Variants in COL24A1 observed in about 807,000 individuals in gnomAD.
The protein encoded by COL24A1 is collagen alpha-1(XXIV) chain.
A neutral mutation model predicts 253.9 loss-of-function variants in COL24A1; 224 were observed. That is an observed-to-expected ratio of 0.88 (90% CI 0.79 to 0.99). COL24A1 has a LOEUF of 0.99. Among genes scored for constraint, COL24A1 ranks in the 50% least tolerant of loss-of-function variants. COL24A1 has a pLI of 0.00. For synonymous variants in COL24A1, 685 were observed against 673.7 expected, an observed-to-expected ratio of 1.02 and a Z score of -0.26; for missense variants, 2,131 against 2,068.5, an observed-to-expected ratio of 1.03 and a Z score of -0.59.
chr1:85,853,592 T>A (rs897867023), intron 37 of COL24A1, among the ~76,000 whole-genome samples: 1 of 152,218 alleles, frequency 6.6e-6, no homozygotes, highest in African/African-American at 2.4e-5. Flanking sequence ...CCACTAGCAG[T>A]GTATAAGTGT....
intron 20 of COL24A1, among the ~76,000 whole-genome samples, chr1:85,978,884 G>C (rs1206339464): frequency 2.0e-5 from 3 of 152,090 alleles, no homozygotes; most frequent in African/African-American, 7.2e-5. Context: ...CTGCAGAATA[G>C]ACATTCTTTT....
At chr1:85,822,029 A>G (rs1673674526) in intron 45 of COL24A1, among the ~76,000 whole-genome samples, 1 of 152,220 alleles carries the variant, frequency 6.6e-6, no homozygotes, top group Non-Finnish European at 1.5e-5. Flanking sequence ...TAGGTTCCCA[A>G]TGTTTTCTAT....
intron 24 of COL24A1, among the ~76,000 whole-genome samples, chr1:85,953,066 A>G (rs1465287819): frequency 1.3e-5 from 2 of 152,272 alleles, no homozygotes; most frequent in African/African-American, 4.8e-5. Flanking sequence ...TAATACCAAC[A>G]AGCAATGTAT....
chr1:85,782,026 CAG>C (rs1570590734), intron 51 of COL24A1, among the ~76,000 whole-genome samples: 3 of 152,132 alleles, frequency 2.0e-5, no homozygotes, highest in African/African-American at 7.2e-5. Context: ...AAGAAATATT[CAG>C]AAAGGTCTTT....
intron 8 of COL24A1, among the ~76,000 whole-genome samples, chr1:86,062,996 A>C (rs887973781): frequency 1.3e-5 from 2 of 152,064 alleles, no homozygotes; most frequent in Non-Finnish European, 2.9e-5. Context: ...AACGGTATCC[A>C]TCACCTTAGT....
At chr1:85,886,804 A>T (rs1439533994) in intron 32 of COL24A1, among the ~76,000 whole-genome samples, 5 of 152,118 alleles carry the variant, frequency 3.3e-5, no homozygotes. Context: ...ATTAAGGTGG[A>T]TAATTCTTTA....
At chr1:85,764,922 T>G (rs969108427) in intron 53 of COL24A1, among the ~76,000 whole-genome samples, 5 of 152,160 alleles carry the variant, frequency 3.3e-5, no homozygotes, top group African/African-American at 1.2e-4. Flanking sequence ...TACCTCATGT[T>G]TTTTATCTGG....
intron 45 of COL24A1, among the ~76,000 whole-genome samples, chr1:85,821,800 A>C (rs1673650869): frequency 6.6e-6 from 1 of 152,218 alleles, no homozygotes; most frequent in Admixed American, 6.5e-5. Flanking sequence ...GACTAGTAAA[A>C]GTATTTGATA....
intron 32 of COL24A1, among the ~76,000 whole-genome samples, chr1:85,884,262 G>A (rs1411580105): frequency 2.0e-5 from 3 of 151,974 alleles, no homozygotes; most frequent in African/African-American, 7.3e-5. Context: ...TTGAAAGCCA[G>A]ACATGATGTA....
intron 3 of COL24A1, among the ~76,000 whole-genome samples, chr1:86,121,545 A>C (rs1647350453): frequency 6.6e-6 from 1 of 152,128 alleles, no homozygotes; most frequent in Non-Finnish European, 1.5e-5. Context: ...AAGATTTAAA[A>C]AATATGAAAG....
At chr1:86,156,219 G>A (rs894329670) in intron 1 of COL24A1, 122 bp downstream of exon 1, 5 of 807,534 alleles carry the variant, frequency 6.2e-6, no homozygotes, top group Admixed American at 2.6e-5. Context: ...GTACTCGGCC[G>A]CTCCTAAAGC....
In COL24A1 at chr1:86,033,879, A is replaced by C; in HGVS notation, c.1995T>G (p.Asp665Glu). 1 of 1,603,642 alleles carries C rather than the reference A, an allele frequency of 6.2e-7. No homozygotes were observed. The highest frequency in any genetic ancestry group is 8.5e-7 in the Non-Finnish European group (1 of 1,175,892). ...DFGDRGPAGLDGSPGLVGGTG... is the reference protein window; with the variant it reads ...DFGDRGPAGLEGSPGLVGGTG... ...AACATAATGTACTCACAGGACTGCC[A>C]TCAAGACCAGCAGGGCCTCTGTCTC... The change falls in exon 13 of 60, where the codon GAT becomes GAG. Residue 665 changes from aspartate (D) to glutamate (E), a missense_variant. By Grantham distance (45) the Asp-to-Glu change is conservative. Coordinates refer to ENST00000370571, the MANE Select transcript of COL24A1 (RefSeq NM_152890.7).
intron 53 of COL24A1, among the ~76,000 whole-genome samples, chr1:85,769,258 T>C (rs1667709159): frequency 6.6e-6 from 1 of 152,286 alleles, no homozygotes; most frequent in Non-Finnish European, 1.5e-5. Context: ...TGTTTGTGTC[T>C]TCAAGGCTAC....
intron 20 of COL24A1, among the ~76,000 whole-genome samples, chr1:85,977,293 G>A (rs1458867696): frequency 6.6e-6 from 1 of 152,086 alleles, no homozygotes; most frequent in Non-Finnish European, 1.5e-5. Flanking sequence ...AAGTAATTCT[G>A]GTAATATGAC....
intron 20 of COL24A1, among the ~76,000 whole-genome samples, chr1:85,976,908 C>G (rs1692740824): frequency 6.6e-6 from 1 of 152,208 alleles, no homozygotes; most frequent in African/African-American, 2.4e-5. Context: ...CTAGCATAAC[C>G]AGCATTTGAG....
chr1:85,840,235 T>G (rs1676450533), intron 42 of COL24A1, among the ~76,000 whole-genome samples: 1 of 152,208 alleles, frequency 6.6e-6, no homozygotes, highest in Non-Finnish European at 1.5e-5. Context: ...ATACTCCTTT[T>G]GCCAAGTTTT....
intron 2 of COL24A1, among the ~76,000 whole-genome samples, chr1:86,132,405 A>G (rs954283596): frequency 4.6e-4 from 70 of 152,026 alleles, no homozygotes; most frequent in Admixed American, 4.6e-3. Flanking sequence ...TTTTGTTGCC[A>G]TTGCTTTTGG....
intron 12 of COL24A1, among the ~76,000 whole-genome samples, chr1:86,046,470 G>C (rs1369337493): frequency 1.3e-5 from 2 of 152,086 alleles, no homozygotes; most frequent in Non-Finnish European, 2.9e-5. Flanking sequence ...CAGAACATGA[G>C]ATTGAACCTC....
intron 21 of COL24A1, among the ~76,000 whole-genome samples, chr1:85,970,609 A>G (rs1402973773): frequency 6.6e-6 from 1 of 152,228 alleles, no homozygotes; most frequent in Admixed American, 6.5e-5. Context: ...TACTAAATAT[A>G]CTGATTTACC....
Sources: gnomAD v4.1 joint callset for allele counts (sites outside exome capture counted in the v4.1 genomes callset) on GRCh38, gnomAD v4.1.1 for gene constraint, MANE v1.5 for transcripts, NCBI Gene and HGNC (gene_info 2026-07-23, HGNC 2026-07-21) for gene names.